NCKAP5: variants seen among roughly 807,000 people sequenced by gnomAD.
NCKAP5 encodes nck-associated protein 5.
A neutral mutation model predicts 167.0 loss-of-function variants in NCKAP5; 92 were observed. The ratio of observed to expected loss-of-function variants is 0.55; its 90% CI spans 0.47 to 0.66. The LOEUF (loss-of-function observed/expected upper bound fraction) is 0.66, where lower values mean the gene tolerates loss of function less well. Ranked by LOEUF, NCKAP5 falls within the 30% of genes least tolerant of loss-of-function variation. NCKAP5 has a pLI of 0.00. For synonymous variants in NCKAP5, 891 were observed against 877.4 expected, an observed-to-expected ratio of 1.02 and a Z score of -0.27; for missense variants, 2,378 against 2,315.0, an observed-to-expected ratio of 1.03 and a Z score of -0.56.
At chr2:133,217,416 T>C (rs1336913194) in intron 4 of NCKAP5, among the ~76,000 whole-genome samples, 1 of 152,136 alleles carries the variant, frequency 6.6e-6, no homozygotes, top group African/African-American at 2.4e-5. Context: ...CTTGCCACAC[T>C]CTTTTCTCTG....
chr2:133,418,188 C>T (rs1689242207), intron 3 of NCKAP5, among the ~76,000 whole-genome samples: 1 of 152,204 alleles, frequency 6.6e-6, no homozygotes, highest in Admixed American at 6.5e-5. Context: ...TTTGACCTTG[C>T]TTTAATGATT....
chr2:133,521,773 T>C (rs560157890), intron 2 of NCKAP5, among the ~76,000 whole-genome samples: 1 of 152,236 alleles, frequency 6.6e-6, no homozygotes, highest in Non-Finnish European at 1.5e-5. Context: ...TACAGTCACA[T>C]TGGGAGTTAG....
intron 8 of NCKAP5, among the ~76,000 whole-genome samples, chr2:132,904,348 ATAAATAAAAAT>A (rs1006685441): frequency 2.0e-5 from 3 of 150,178 alleles, no homozygotes; most frequent in South Asian, 2.1e-4. Context: ...AAATAAATAA[ATAAATAAAAAT>A]TAAATAAAAA....
intron 3 of NCKAP5, among the ~76,000 whole-genome samples, chr2:133,320,456 C>T (rs574983358): frequency 5.3e-4 from 81 of 152,236 alleles, no homozygotes; most frequent in Middle Eastern, 3.4e-3. Context: ...TGGCTGGGTG[C>T]GGTGGCTCAC....
At chr2:132,843,069 A>G (rs186100808) in intron 11 of NCKAP5, among the ~76,000 whole-genome samples, 20 of 152,302 alleles carry the variant, frequency 1.3e-4, no homozygotes, top group East Asian at 7.7e-4. Flanking sequence ...GTTGGCCTGT[A>G]TAATCTACAT....
intron 6 of NCKAP5, among the ~76,000 whole-genome samples, chr2:133,121,193 C>T (rs767973312): frequency 4.6e-5 from 7 of 152,128 alleles, no homozygotes; most frequent in Admixed American, 1.3e-4. Context: ...GGAAACTCTA[C>T]AGGTCCAATA....
chr2:132,872,697 C>G (rs1336199685), intron 9 of NCKAP5, among the ~76,000 whole-genome samples: 1 of 152,118 alleles, frequency 6.6e-6, no homozygotes, highest in African/African-American at 2.4e-5. Context: ...CCATGAAAAG[C>G]CACTGTCATG....
At chr2:132,973,492 G>A in intron 7 of NCKAP5, among the ~76,000 whole-genome samples, 1 of 152,032 alleles carries the variant, frequency 6.6e-6, no homozygotes, top group East Asian at 1.9e-4. Context: ...AAAATAAAAT[G>A]CACAAACATA....
At chr2:133,530,714 T>C (rs370302892) in intron 2 of NCKAP5, among the ~76,000 whole-genome samples, 4 of 152,292 alleles carry the variant, frequency 2.6e-5, no homozygotes, top group South Asian at 2.1e-4. Flanking sequence ...TTTTGACCAA[T>C]AGAATGTGGC....
chr2:133,230,397 T>C (rs913780882), intron 4 of NCKAP5, among the ~76,000 whole-genome samples: 2 of 152,180 alleles, frequency 1.3e-5, no homozygotes, highest in African/African-American at 4.8e-5. Flanking sequence ...TTATAAAGCA[T>C]GTAGATAAGA....
intron 6 of NCKAP5, among the ~76,000 whole-genome samples, chr2:133,045,387 A>ATC (rs2079362191): frequency 6.6e-6 from 1 of 151,940 alleles, no homozygotes; most frequent in African/African-American, 2.4e-5. Context: ...ATCTATCTAT[A>ATC]TATATATACA....
At chr2:132,752,094 G>A (rs1488867374) in intron 16 of NCKAP5, among the ~76,000 whole-genome samples, 1 of 152,026 alleles carries the variant, frequency 6.6e-6, no homozygotes, top group African/African-American at 2.4e-5. Context: ...AGCATCTGAT[G>A]CATCCCTGAA....
At chr2:133,338,903 C>G (rs1337310338) in intron 3 of NCKAP5, among the ~76,000 whole-genome samples, 1 of 151,984 alleles carries the variant, frequency 6.6e-6, no homozygotes, top group East Asian at 1.9e-4. Context: ...ACCTGTAATC[C>G]CAGATACTCG....
At chr2:133,041,356 A>T (rs2079212868) in intron 6 of NCKAP5, among the ~76,000 whole-genome samples, 1 of 152,184 alleles carries the variant, frequency 6.6e-6, no homozygotes. Flanking sequence ...ATGAACAAGG[A>T]CTGAATGACT....
chr2:132,731,059 T>G (rs972554020), intron 17 of NCKAP5, among the ~76,000 whole-genome samples: 3 of 152,254 alleles, frequency 2.0e-5, no homozygotes, highest in Non-Finnish European at 2.9e-5. Flanking sequence ...TATTTATGCA[T>G]GTTGTAAAAG....
chr2:133,155,276 T>C (rs1430992403), intron 5 of NCKAP5, among the ~76,000 whole-genome samples: 7 of 152,282 alleles, frequency 4.6e-5, no homozygotes, highest in South Asian at 4.1e-4. Flanking sequence ...GACTCAATGA[T>C]TCCTAAACTT....
intron 7 of NCKAP5, among the ~76,000 whole-genome samples, chr2:132,965,106 C>T (rs1245324708): frequency 6.6e-6 from 1 of 151,984 alleles, no homozygotes; most frequent in African/African-American, 2.4e-5. Flanking sequence ...CCATGTGAAC[C>T]TGTTATGTAC....
intron 7 of NCKAP5, among the ~76,000 whole-genome samples, chr2:132,980,414 T>TTTTTG (rs796530065): frequency 4.6e-5 from 7 of 152,274 alleles, no homozygotes; most frequent in African/African-American, 1.7e-4. Flanking sequence ...CATTAGTGTT[T>TTTTTG]TTTTGTTTTG....
At chr2:133,448,386 C>G (rs72846365) in intron 3 of NCKAP5, among the ~76,000 whole-genome samples, 2,444 of 152,186 alleles carry the variant, frequency 0.016, 26 homozygotes, top group Non-Finnish European at 0.026. Flanking sequence ...AGAGGAAGAG[C>G]GAGCCCGTAT....
Sources: gnomAD v4.1 joint callset for allele counts (sites outside exome capture counted in the v4.1 genomes callset) on GRCh38, gnomAD v4.1.1 for gene constraint, MANE v1.5 for transcripts, NCBI Gene and HGNC (gene_info 2026-07-23, HGNC 2026-07-21) for gene names.